CREB1: variants seen among roughly 807,000 people sequenced by gnomAD.
CREB1 encodes cAMP responsive element binding protein 1.
Under a neutral mutation model 42.0 loss-of-function variants are expected in CREB1, and 2 were observed. That is an observed-to-expected ratio of 0.05 (90% CI 0.02 to 0.15). The LOEUF (loss-of-function observed/expected upper bound fraction) is 0.15. Among genes scored for constraint, CREB1 ranks in the 10% least tolerant of loss-of-function variants. The probability of loss-of-function intolerance (pLI) is 1.00; values close to 1 mark genes in which losing one functional copy is unlikely to be tolerated. For missense variants in CREB1, 199 were observed against 388.9 expected (o/e 0.51, Z 4.11); for synonymous variants, 123 against 139.9 (o/e 0.88, Z 0.85).
At chr2:207,575,943 C>CA (rs1454759060) in intron 6 of CREB1, among the ~76,000 whole-genome samples, 1 of 60,422 alleles carries the variant, frequency 1.7e-5, no homozygotes, top group Non-Finnish European at 4.6e-5. Context: ...TTCCCCCCCC[C>CA]CCCCCAAAAG....
chr2:207,590,818 T>C (rs1048124606), intron 7 of CREB1, among the ~76,000 whole-genome samples: 1 of 152,204 alleles, frequency 6.6e-6, no homozygotes, highest in African/African-American at 2.4e-5. Flanking sequence ...ACCCTTGATA[T>C]AAATAATTGA....
intron 6 of CREB1, among the ~76,000 whole-genome samples, chr2:207,575,982 TTTA>T (rs528189417): frequency 1.4e-4 from 18 of 127,736 alleles, no homozygotes; most frequent in Non-Finnish European, 3.2e-5. Context: ...ATCATCAGTT[TTTA>T]TTATTATTAT....
At chr2:207,579,298 C>G (rs1419868510) in intron 7 of CREB1, among the ~76,000 whole-genome samples, 1 of 151,048 alleles carries the variant, frequency 6.6e-6, no homozygotes, top group Non-Finnish European at 1.5e-5. Context: ...CAAGAAGTCT[C>G]AAGCACAGGC....
At chr2:207,553,337 G>A (rs2081590859) in intron 1 of CREB1, among the ~76,000 whole-genome samples, 1 of 152,142 alleles carries the variant, frequency 6.6e-6, no homozygotes, top group African/African-American at 2.4e-5. Context: ...CTAAAGTGCT[G>A]GGATTACAGG....
In CREB1 at chr2:207,603,380, C is replaced by G. The variant is rs1420460673; in HGVS notation, c.*6322C>G. The G allele has an allele frequency of 8.9e-6, 2 of 224,694 alleles. No individual in the cohort carries two copies. The highest frequency in any genetic ancestry group is 4.5e-5 in the African/African-American group (2 of 44,886). The allele number at this position is 224,694 out of a possible 1,614,324, so 13.9% of individuals were successfully genotyped here. Reference sequence around the variant, plus strand: ...TTGTGGTATCAACTGTCATAATGCTCTTTTTACACAAACATTTATGTGCAG... The same window carrying G: ...TTGTGGTATCAACTGTCATAATGCTGTTTTTACACAAACATTTATGTGCAG... On this transcript the variant is annotated 3_prime_UTR_variant, in exon 8 of 8. Coordinates refer to ENST00000353267, the MANE Select transcript of CREB1 (RefSeq NM_004379.5).
intron 1 of CREB1, among the ~76,000 whole-genome samples, chr2:207,543,706 G>GCC (rs1487417570): frequency 6.6e-6 from 1 of 151,516 alleles, no homozygotes; most frequent in Admixed American, 6.6e-5. Context: ...GGGTTCAAGT[G>GCC]ATTCTCCTGC....
At position 207,565,038 on chromosome 2, in the gene CREB1, G is replaced by GT. The variant is rs34275460; in HGVS notation, c.262-2412dup. On this transcript the variant is annotated intron_variant, in intron 3 of 7. Coordinates refer to ENST00000353267, the MANE Select transcript of CREB1 (RefSeq NM_004379.5). Reference sequence around the variant, plus strand: ...GATCTCAGTTATGTGGGTCCAGTATGTTTTTTTTTTTTTAACATCAGTTTT... The same window carrying GT: ...GATCTCAGTTATGTGGGTCCAGTATGTTTTTTTTTTTTTTAACATCAGTTTT... Among the ~76,000 whole-genome samples, 193 of 144,788 alleles carry GT rather than the reference G, an allele frequency of 1.3e-3. 1 individual carries two copies. The highest frequency in any genetic ancestry group is 3.5e-3 in the Middle Eastern group (1 of 282). 95.0% of individuals were successfully genotyped at this position (144,788 alleles called of 152,430 possible).
intron 4 of CREB1, among the ~76,000 whole-genome samples, chr2:207,569,839 T>C (rs2082285865): frequency 6.6e-6 from 1 of 151,546 alleles, no homozygotes; most frequent in African/African-American, 2.4e-5. Flanking sequence ...AGGTCAGGAG[T>C]TCGAGACCAT....
Position 207,555,614 on chromosome 2 carries a change from C to G in CREB1, c.-8-14C>G. 6.6e-7 allele frequency: 1 copy of G among 1,525,382 alleles called. No individual in the cohort carries two copies. The highest frequency in any genetic ancestry group is 9.1e-7 in the Non-Finnish European group (1 of 1,102,108). 94.5% of individuals were successfully genotyped at this position (1,525,382 alleles called of 1,614,324 possible). On this transcript the variant is annotated splice_polypyrimidine_tract_variant and intron_variant, in intron 1 of 7. Transcript: ENST00000353267. ...GCACTGTGGTGCTTGTAACACTCTT[C>G]CATATTATTATAGGTAACTAAATGA...
At chr2:207,540,013 G>A (rs980002625) in intron 1 of CREB1, among the ~76,000 whole-genome samples, 1 of 152,206 alleles carries the variant, frequency 6.6e-6, no homozygotes, top group Non-Finnish European at 1.5e-5. Context: ...AAATTGGGCT[G>A]AAATGTAGAT....
intron 7 of CREB1, among the ~76,000 whole-genome samples, chr2:207,588,909 T>C (rs1316202833): frequency 1.3e-5 from 2 of 151,940 alleles, no homozygotes; most frequent in African/African-American, 2.4e-5. Flanking sequence ...GTAGATTCTT[T>C]GGGATTCTCT....
chr2:207,531,075 A>G (rs1052152898), intron 1 of CREB1, among the ~76,000 whole-genome samples: 2 of 152,100 alleles, frequency 1.3e-5, no homozygotes, highest in Non-Finnish European at 2.9e-5. Context: ...GGATCTTATA[A>G]AAGGGAAGCT....
rs965086654 is a variant in CREB1, at chr2:207,603,441, CTT to C, written c.*6388_*6389del. On this transcript the variant is annotated 3_prime_UTR_variant, in exon 8 of 8. Coordinates refer to ENST00000353267, the MANE Select transcript of CREB1 (RefSeq NM_004379.5). ...ATGCTTTTAAAAACTCTGTAAGTCTCTTTTTTGGGGATGGGATCTCTATATTT... is the reference window on the plus strand; with the variant it reads ...ATGCTTTTAAAAACTCTGTAAGTCTCTTTTGGGGATGGGATCTCTATATTT... 16 of 225,054 alleles carry C rather than the reference CTT, an allele frequency of 7.1e-5. No individual in the cohort carries two copies. The highest frequency in any genetic ancestry group is 2.9e-4 in the African/African-American group (13 of 44,980). The allele number at this position is 225,054 out of a possible 1,614,324, so 13.9% of individuals were successfully genotyped here. A position where few individuals can be genotyped will look rare whatever the true frequency, so the allele number is the denominator to read the frequency against.
At position 207,601,980 on chromosome 2, in the gene CREB1, GGA is replaced by G. The variant is rs1559095314; in HGVS notation, c.*4926_*4927del. ...CTTGACATTCTAGAATCAATGGCTA[GGA>G]GAGGCATTAATCTTTGAGGGGCTGA... On this transcript the variant is annotated 3_prime_UTR_variant, in exon 8 of 8. Transcript: ENST00000353267. 9.6e-6 allele frequency: 2 copies of G among 208,040 alleles called. No homozygotes were observed. Among genetic ancestry groups the G allele is most frequent in the Admixed American group, 5.9e-5 (1 of 16,852 alleles). The allele number at this position is 208,040 out of a possible 1,614,324, so 12.9% of individuals were successfully genotyped here.
chr2:207,531,464 A>G (rs966122446), intron 1 of CREB1, among the ~76,000 whole-genome samples: 1 of 152,204 alleles, frequency 6.6e-6, no homozygotes, highest in Non-Finnish European at 1.5e-5. Flanking sequence ...GACAGCAGAA[A>G]AGTCATTGAC....
intron 1 of CREB1, among the ~76,000 whole-genome samples, chr2:207,549,257 G>C (rs1243337052): frequency 1.3e-5 from 2 of 152,020 alleles, no homozygotes; most frequent in African/African-American, 2.4e-5. Flanking sequence ...TTTTTTGCCT[G>C]TCTGGTTTCA....
chr2:207,593,720 T>A (rs1339266984), intron 7 of CREB1, among the ~76,000 whole-genome samples: 1 of 6,386 alleles, frequency 1.6e-4, no homozygotes, highest in Non-Finnish European at 2.9e-4. Context: ...CCTCACAAAC[T>A]TTTTTTTTTT....
intron 1 of CREB1, chr2:207,550,333 C>CTTTTT (rs35004775): frequency 8.9e-6 from 1 of 112,028 alleles, no homozygotes. Flanking sequence ...TGAGGTCATT[C>CTTTTT]TTTTTTTTTT....
At chr2:207,560,191 G>T in intron 2 of CREB1, 35 bp from the exon 3 acceptor site, 1 of 1,523,246 alleles carries the variant, frequency 6.6e-7, no homozygotes, top group South Asian at 1.3e-5. Context: ...AAGAGTGTCT[G>T]GGATGATAAT....
Sources: allele counts gnomAD v4.1 joint callset (sites outside exome capture counted in the v4.1 genomes callset), GRCh38; gene constraint gnomAD v4.1.1; transcripts MANE v1.5; gene names NCBI Gene and HGNC (gene_info 2026-07-23, HGNC 2026-07-21).